Variants in NFIA observed in about 807,000 individuals in gnomAD.
NFIA encodes nuclear factor 1 A-type.
A neutral mutation model predicts 62.8 loss-of-function variants in NFIA; 8 were observed. The observed-to-expected ratio is 0.13, with a 90% CI of 0.07 to 0.23. NFIA has a LOEUF of 0.23. Among genes scored for constraint, NFIA ranks in the 10% least tolerant of loss-of-function variants. The pLI is 1.00. For missense variants in NFIA, 410 were observed against 642.1 expected (o/e 0.64, Z 3.91); for synonymous variants, 235 against 238.1 (o/e 0.99, Z 0.12).
chr1:61,256,795 G>C (rs766116269), intron 2 of NFIA, among the ~76,000 whole-genome samples: 5 of 152,102 alleles, frequency 3.3e-5, no homozygotes, highest in Non-Finnish European at 7.4e-5. Context: ...AATGATCCTT[G>C]TATCATTTAT....
chr1:61,294,480 T>A (rs1659079411), intron 3 of NFIA, among the ~76,000 whole-genome samples: 1 of 152,250 alleles, frequency 6.6e-6, no homozygotes, highest in African/African-American at 2.4e-5. Flanking sequence ...GAAAGGCGAT[T>A]GAAATCATTC....
intron 2 of NFIA, among the ~76,000 whole-genome samples, chr1:61,123,348 C>T (rs1045054199): frequency 1.2e-4 from 19 of 152,154 alleles, no homozygotes; most frequent in African/African-American, 4.3e-4. Flanking sequence ...TGATTTCTTT[C>T]GTTTGTATAT....
At chr1:61,334,993 G>A (rs562476625) in intron 4 of NFIA, among the ~76,000 whole-genome samples, 207 of 152,154 alleles carry the variant, frequency 1.4e-3, no homozygotes, top group Non-Finnish European at 2.6e-3. Context: ...CTTCAAGACT[G>A]CCAGAGATTA....
intron 3 of NFIA, among the ~76,000 whole-genome samples, chr1:61,296,769 A>G (rs148947072): frequency 2.1e-3 from 320 of 152,332 alleles, no homozygotes; most frequent in Admixed American, 5.0e-3. Context: ...GAAAAAAATA[A>G]TAAGTTTCAT....
intron 2 of NFIA, among the ~76,000 whole-genome samples, chr1:61,147,801 G>A (rs1050253533): frequency 6.6e-6 from 1 of 152,084 alleles, no homozygotes. Context: ...TGAAACTTCG[G>A]TTGGATTAAG....
Position 61,352,431 on chromosome 1 carries a change from T to C in NFIA, c.701-19T>C, listed in dbSNP as rs1662594282. ...ATCCACAGAATTTAACTGATTTTTGTTTGTTTTCTTAATTCTAGCACCAAT... is the reference window on the plus strand; with the variant it reads ...ATCCACAGAATTTAACTGATTTTTGCTTGTTTTCTTAATTCTAGCACCAAT... On this transcript the variant is annotated intron_variant, in intron 4 of 10. Coordinates refer to ENST00000403491, the MANE Select transcript of NFIA (RefSeq NM_001134673.4). 6.5e-7 allele frequency: 1 copy of C among 1,546,754 alleles called. No individual in the cohort carries two copies. The highest frequency in any genetic ancestry group is 2.2e-5 in the East Asian group (1 of 44,510).
intron 4 of NFIA, among the ~76,000 whole-genome samples, chr1:61,333,858 G>T (rs551009777): frequency 1.3e-5 from 2 of 152,022 alleles, no homozygotes; most frequent in East Asian, 3.9e-4. Context: ...AGATTAGCTG[G>T]GCATGGTGGT....
rs147663645 is a variant in NFIA, at chr1:61,102,754, T to C, written c.559+14074T>C. Among the ~76,000 whole-genome samples, 258 of 152,308 alleles carry C rather than the reference T, an allele frequency of 1.7e-3. 2 individuals are homozygous for C. The highest frequency in any genetic ancestry group is 5.7e-3 in the African/African-American group (238 of 41,560). On this transcript the variant is annotated intron_variant, in intron 2 of 10. Coordinates refer to ENST00000403491, the MANE Select transcript of NFIA (RefSeq NM_001134673.4). ...TTAGAAGGAAATTGTTTCAGGGTAC[T>C]TTTTTTCTCCAACTCTGTCCAACAT...
intron 2 of NFIA, among the ~76,000 whole-genome samples, chr1:61,094,840 T>C (rs1646383247): frequency 6.6e-6 from 1 of 152,252 alleles, no homozygotes; most frequent in African/African-American, 2.4e-5. Flanking sequence ...TCTAATGGAA[T>C]TAGTCCTCCC....
intron 3 of NFIA, among the ~76,000 whole-genome samples, chr1:61,306,358 C>T (rs919393029): frequency 6.8e-6 from 1 of 147,128 alleles, no homozygotes; most frequent in Admixed American, 7.0e-5. Context: ...CTCACGCAAC[C>T]TCCCCCTCCT....
chr1:61,304,012 C>G (rs1016006850), intron 3 of NFIA, among the ~76,000 whole-genome samples: 19 of 152,110 alleles, frequency 1.2e-4, no homozygotes, highest in African/African-American at 4.3e-4. Flanking sequence ...CGGTGGCTCA[C>G]GCCTGTAAAC....
intron 2 of NFIA, among the ~76,000 whole-genome samples, chr1:61,162,960 G>A (rs1649319382): frequency 6.6e-6 from 1 of 152,072 alleles, no homozygotes; most frequent in Non-Finnish European, 1.5e-5. Context: ...TGTATTGGGA[G>A]TACATTATCA....
intron 10 of NFIA, among the ~76,000 whole-genome samples, chr1:61,452,699 A>G (rs936646984): frequency 6.6e-6 from 1 of 152,200 alleles, no homozygotes; most frequent in Non-Finnish European, 1.5e-5. Context: ...AACGTTAGAC[A>G]AAAGCCCAAG....
At chr1:61,277,430 T>C in intron 2 of NFIA, 90 bp from the exon 3 acceptor site, 1 of 1,155,144 alleles carries the variant, frequency 8.7e-7, no homozygotes, top group Non-Finnish European at 1.3e-6. Context: ...TCTTAGTTTA[T>C]AGGTTGAACC....
chr1:61,318,212 A>G (rs896499365), intron 3 of NFIA, among the ~76,000 whole-genome samples: 4 of 152,210 alleles, frequency 2.6e-5, no homozygotes, highest in Non-Finnish European at 5.9e-5. Context: ...CATTAGATAT[A>G]TAACTTACTT....
At chr1:61,149,454 A>G (rs954494462) in intron 2 of NFIA, among the ~76,000 whole-genome samples, 1 of 152,188 alleles carries the variant, frequency 6.6e-6, no homozygotes, top group Non-Finnish European at 1.5e-5. Context: ...CTTTAGTGAT[A>G]TAAGATTCTT....
At chr1:61,392,784 G>T (rs1665046540) in intron 7 of NFIA, among the ~76,000 whole-genome samples, 1 of 152,228 alleles carries the variant, frequency 6.6e-6, no homozygotes, top group Non-Finnish European at 1.5e-5. Flanking sequence ...TCTTAAAGAG[G>T]CAAAGGGCCT....
intron 2 of NFIA, among the ~76,000 whole-genome samples, chr1:61,254,768 A>G (rs1334160168): frequency 6.6e-6 from 1 of 152,244 alleles, no homozygotes; most frequent in Non-Finnish European, 1.5e-5. Flanking sequence ...ATATCTGCAT[A>G]TAGTTAGTCA....
intron 2 of NFIA, among the ~76,000 whole-genome samples, chr1:61,219,332 T>C (rs916202250): frequency 1.3e-5 from 2 of 152,160 alleles, no homozygotes; most frequent in African/African-American, 2.4e-5. Context: ...TTTTTAAACA[T>C]TTATTAGATA....
Sources: allele counts gnomAD v4.1 joint callset (sites outside exome capture counted in the v4.1 genomes callset), GRCh38; gene constraint gnomAD v4.1.1; transcripts MANE v1.5; gene names NCBI Gene and HGNC (gene_info 2026-07-23, HGNC 2026-07-21).